The following NYAP2 variants were observed in gnomAD, a reference collection of about 807,000 sequenced individuals.
The protein encoded by NYAP2 is neuronal tyrosine-phosphorylated phosphoinositide-3-kinase adapter 2.
NYAP2 carries 23 observed loss-of-function variants against 50.4 expected under a neutral mutation model. The ratio of observed to expected loss-of-function variants is 0.46; its 90% CI spans 0.33 to 0.65. The LOEUF (loss-of-function observed/expected upper bound fraction) is 0.65. NYAP2 is among the 30% of genes least tolerant of loss of function. NYAP2 has a pLI of 0.02. For synonymous variants in NYAP2, 394 were observed against 365.2 expected (o/e 1.08, Z -0.90); for missense variants, 885 against 861.0 (o/e 1.03, Z -0.35).
At chr2:225,647,116 T>C (rs150201238) in intron 6 of NYAP2, among the ~76,000 whole-genome samples, 101 of 152,248 alleles carry the variant, frequency 6.6e-4, no homozygotes, top group African/African-American at 2.4e-3. Context: ...AAAAAATCTC[T>C]ATAGTAAATA....
At chr2:225,529,255 C>T (rs1691208633) in intron 4 of NYAP2, among the ~76,000 whole-genome samples, 1 of 152,058 alleles carries the variant, frequency 6.6e-6, no homozygotes, top group South Asian at 2.1e-4. Flanking sequence ...TAAAGGAAAT[C>T]GATGCCACCG....
chr2:225,481,086 G>T (rs531876844), intron 3 of NYAP2, among the ~76,000 whole-genome samples: 1 of 152,052 alleles, frequency 6.6e-6, no homozygotes, highest in African/African-American at 2.4e-5. Context: ...GAAATCAAAG[G>T]GAAAACTCAG....
intron 3 of NYAP2, among the ~76,000 whole-genome samples, chr2:225,432,436 A>G (rs1689282822): frequency 6.7e-6 from 1 of 149,814 alleles, no homozygotes; most frequent in Non-Finnish European, 1.5e-5. Flanking sequence ...ATATAAATTT[A>G]TGTATATATG....
chr2:225,406,980 C>T (rs1694952396), intron 2 of NYAP2, among the ~76,000 whole-genome samples: 2 of 151,970 alleles, frequency 1.3e-5, no homozygotes, highest in Non-Finnish European at 2.9e-5. Context: ...GGGAAATATA[C>T]AATTTTGCTA....
chr2:225,633,709 C>G (rs1693359944), intron 6 of NYAP2, among the ~76,000 whole-genome samples: 1 of 152,160 alleles, frequency 6.6e-6, no homozygotes, highest in Non-Finnish European at 1.5e-5. Context: ...TAGGGGCACC[C>G]CAAGTGGACA....
At chr2:225,512,086 C>A (rs1690827986) in intron 3 of NYAP2, among the ~76,000 whole-genome samples, 1 of 152,142 alleles carries the variant, frequency 6.6e-6, no homozygotes, top group Non-Finnish European at 1.5e-5. Flanking sequence ...AGTTTACATT[C>A]ACATTTGTGT....
At chr2:225,477,738 C>T (rs985761944) in intron 3 of NYAP2, among the ~76,000 whole-genome samples, 2 of 152,150 alleles carry the variant, frequency 1.3e-5, no homozygotes, top group African/African-American at 4.8e-5. Context: ...CAGTTTTACA[C>T]ACATAGATAC....
chr2:225,540,418 C>CACGT (rs1691439268), intron 4 of NYAP2, among the ~76,000 whole-genome samples: 1 of 152,204 alleles, frequency 6.6e-6, no homozygotes, highest in African/African-American at 2.4e-5. Flanking sequence ...AGGTGAAAGG[C>CACGT]ACGTCTCACA....
At chr2:225,516,473 G>A (rs767011392) in intron 4 of NYAP2, among the ~76,000 whole-genome samples, 14 of 152,046 alleles carry the variant, frequency 9.2e-5, no homozygotes, top group Admixed American at 5.2e-4. Context: ...ATAAGTTGTC[G>A]GGACCCAGTG....
chr2:225,549,809 C>T (rs113001041), intron 4 of NYAP2, among the ~76,000 whole-genome samples: 4,167 of 151,832 alleles, frequency 0.027, 179 homozygotes, highest in African/African-American at 0.094. Flanking sequence ...TGGTGAAACC[C>T]CCCTGTTTGT....
chr2:225,581,027 C>CA (rs1692261262), intron 4 of NYAP2, among the ~76,000 whole-genome samples: 1 of 152,234 alleles, frequency 6.6e-6, no homozygotes, highest in Non-Finnish European at 1.5e-5. Context: ...AATTTAGTCA[C>CA]AGGCATTTGC....
At position 225,554,000 on chromosome 2, in the gene NYAP2, C is replaced by G. The variant is rs116471425; in HGVS notation, c.524-27941C>G. ...GCCCCATTGCACTCCAGCCTGGACT[C>G]TGTCTCAGAAAGAATTCAAAAAGAA... On this transcript the variant is annotated intron_variant, in intron 4 of 6. Transcript: ENST00000636099. Among the ~76,000 whole-genome samples, 1,033 of 152,164 alleles carry G rather than the reference C, an allele frequency of 6.8e-3. 8 individuals carry two copies. Among genetic ancestry groups the G allele is most frequent in the African/African-American group, 0.023 (961 of 41,522 alleles).
chr2:225,508,441 C>T lies in NYAP2; in HGVS notation c.222-4930C>T, dbSNP rs139347653. The stretch of plus-strand genomic sequence containing the variant: ...CCCTGCTTCTTTGGTTTCTGAATGC[C>T]GGAGGAATTGTTCCCAAGTATGTCA... On this transcript the variant is annotated intron_variant, in intron 3 of 6. Transcript: ENST00000636099. Among the ~76,000 whole-genome samples the T allele has an allele frequency of 1.1e-4, 17 of 152,202 alleles. No individual in the cohort carries two copies. The East Asian group carries it at 1.7e-3, about 16-fold the overall frequency.
rs1574691418 is a variant in NYAP2, at chr2:225,582,199, A to C, written c.782A>C (p.Asp261Ala). The change falls in exon 5 of 7, where the codon GAT becomes GCT. Residue 261 changes from aspartate (D) to alanine (A), a missense_variant. Coordinates refer to ENST00000636099, the Ensembl canonical transcript of NYAP2. This position sits in a 1 kb window ranked among gnomAD's most constrained non-coding sequence, Gnocchi z 7.0. ...CTCAGAGACTTCAGGAAGGAGGACG[A>C]TGACCAGAGCGAGGCCGTCTACGAG... 1 of 1,614,050 alleles carries C rather than the reference A, an allele frequency of 6.2e-7. No homozygotes were observed.
chr2:225,585,466 C>A (rs1344677478), intron 5 of NYAP2, among the ~76,000 whole-genome samples: 1 of 152,214 alleles, frequency 6.6e-6, no homozygotes, highest in African/African-American at 2.4e-5. Context: ...CACAGACTTT[C>A]TCATCCGACT....
At chr2:225,641,278 A>G (rs1296678786) in intron 6 of NYAP2, among the ~76,000 whole-genome samples, 1 of 152,098 alleles carries the variant, frequency 6.6e-6, no homozygotes, top group Admixed American at 6.6e-5. Context: ...GCCACAAAAG[A>G]CATTATAAAA....
At chr2:225,530,486 C>T (rs1168406429) in intron 4 of NYAP2, among the ~76,000 whole-genome samples, 1 of 152,190 alleles carries the variant, frequency 6.6e-6, no homozygotes, top group African/African-American at 2.4e-5. Context: ...TATGAACCTC[C>T]ATACTTCCTA....
At chr2:225,562,401 C>G (rs989400621) in intron 4 of NYAP2, among the ~76,000 whole-genome samples, 1 of 152,040 alleles carries the variant, frequency 6.6e-6, no homozygotes, top group African/African-American at 2.4e-5. Flanking sequence ...TTAGGAATTT[C>G]TGTTATTGTT....
chr2:225,525,379 A>G (rs1188681669), intron 4 of NYAP2, among the ~76,000 whole-genome samples: 1 of 152,144 alleles, frequency 6.6e-6, no homozygotes, highest in African/African-American at 2.4e-5. Flanking sequence ...AGTGTCCATC[A>G]ATGGAGGATT....
Sources: gnomAD v4.1 joint callset for allele counts (sites outside exome capture counted in the v4.1 genomes callset) on GRCh38, gnomAD v4.1.1 for gene constraint, Gnocchi (gnomAD v3.1) non-coding constraint, MANE v1.5 for transcripts, NCBI Gene and HGNC (gene_info 2026-07-23, HGNC 2026-07-21) for gene names.